The following ZNF536 variants were observed in gnomAD, a reference collection of about 807,000 sequenced individuals.
ZNF536 encodes the protein zinc finger protein 536.
Under a neutral mutation model 84.5 loss-of-function variants are expected in ZNF536, and 13 were observed. The ratio of observed to expected loss-of-function variants is 0.15; its 90% CI spans 0.10 to 0.24. The LOEUF (loss-of-function observed/expected upper bound fraction) is 0.24, where lower values mean the gene tolerates loss of function less well. ZNF536 is among the 10% of genes least tolerant of loss of function. The probability of loss-of-function intolerance (pLI) is 1.00; values close to 1 mark genes in which losing one functional copy is unlikely to be tolerated. For synonymous variants in ZNF536, 811 were observed against 742.5 expected (o/e 1.09, Z -1.50); for missense variants, 1,536 against 1,747.5 (o/e 0.88, Z 2.16).
At chr19:30,477,610 T>A (rs1210625296) in intron 2 of ZNF536, among the ~76,000 whole-genome samples, 1 of 152,152 alleles carries the variant, frequency 6.6e-6, no homozygotes, top group African/African-American at 2.4e-5. Context: ...AACCCAGTAA[T>A]TTGTTTGGAG....
intron 3 of ZNF536, among the ~76,000 whole-genome samples, chr19:30,359,313 G>C (rs544734637): frequency 6.6e-6 from 1 of 152,328 alleles, no homozygotes; most frequent in South Asian, 2.1e-4. Flanking sequence ...GGAGTGGCCA[G>C]TGCGGCCCTG....
chr19:30,264,118 C>T (rs2025368528), intron 1 of ZNF536, among the ~76,000 whole-genome samples: 1 of 152,134 alleles, frequency 6.6e-6, no homozygotes, highest in Non-Finnish European at 1.5e-5. Flanking sequence ...GAAAGGCCAC[C>T]CACCATGGTG....
chr19:30,570,220 C>T lies in ZNF536; in HGVS notation c.169+20706C>T, dbSNP rs141759930. On this transcript the variant is annotated intron_variant, in intron 1 of 1. Coordinates refer to the ZNF536 transcript ENST00000592773. ...GTGCCCTGCCATGCAGCTCACACCA[C>T]GGCATTTGGCGTGCCCCCTGGACAC... Among the ~76,000 whole-genome samples the T allele has an allele frequency of 2.7e-3, 418 of 152,304 alleles. 4 individuals carry two copies. Among genetic ancestry groups the T allele is most frequent in the East Asian group, 0.017 (90 of 5,178 alleles).
At chr19:30,483,727 T>C (rs942947007) in intron 2 of ZNF536, among the ~76,000 whole-genome samples, 14 of 152,022 alleles carry the variant, frequency 9.2e-5, no homozygotes, top group African/African-American at 3.4e-4. Flanking sequence ...TCTGGAAGGA[T>C]CTACCTAAAA....
chr19:30,508,820 C>CTTTTTTTTTTTTTTTTTTTTTTTT (rs914349353), intron 2 of ZNF536, among the ~76,000 whole-genome samples: 25 of 68,770 alleles, frequency 3.6e-4, no homozygotes, highest in South Asian at 6.0e-4. Flanking sequence ...TTCTTTCTTT[C>CTTTTTTTTTTTTTTTTTTTTTTTT]TTTTTTTTTT....
chr19:30,547,170 T>C (rs1028941333), intron 3 of ZNF536, among the ~76,000 whole-genome samples: 4 of 152,224 alleles, frequency 2.6e-5, no homozygotes, highest in African/African-American at 9.6e-5. Flanking sequence ...TAATGTTAAT[T>C]TCAAATACAG....
intron 1 of ZNF536, among the ~76,000 whole-genome samples, chr19:30,416,650 C>G (rs1302816526): frequency 2.6e-5 from 4 of 152,172 alleles, no homozygotes; most frequent in African/African-American, 9.7e-5. Context: ...CTCTCTGGCA[C>G]TGGGAGACTC....
At chr19:30,293,432 G>A (rs907393981) in intron 2 of ZNF536, among the ~76,000 whole-genome samples, 1 of 152,194 alleles carries the variant, frequency 6.6e-6, no homozygotes, top group African/African-American at 2.4e-5. Context: ...GGGGATGTTG[G>A]GGGCTGCAGG....
chr19:30,321,234 C>T (rs1239463188), intron 2 of ZNF536, among the ~76,000 whole-genome samples: 1 of 152,232 alleles, frequency 6.6e-6, no homozygotes. Flanking sequence ...TCTGGCCCTA[C>T]AACTGCCCTC....
chr19:30,437,341 T>C (rs2051797489), intron 1 of ZNF536, among the ~76,000 whole-genome samples: 2 of 152,176 alleles, frequency 1.3e-5, no homozygotes, highest in African/African-American at 4.8e-5. Flanking sequence ...GGAAATAGTC[T>C]TGAAGGCAGA....
chr19:30,622,579 T>C (rs915164928), intron 1 of ZNF536, among the ~76,000 whole-genome samples: 2 of 152,082 alleles, frequency 1.3e-5, no homozygotes, highest in African/African-American at 2.4e-5. Flanking sequence ...TTAAAAATAG[T>C]CCCTCTAGCA....
chr19:30,263,967 A>G (rs1235992349), intron 1 of ZNF536, among the ~76,000 whole-genome samples: 1 of 152,204 alleles, frequency 6.6e-6, no homozygotes, highest in East Asian at 1.9e-4. Context: ...ATCCAGCAAC[A>G]GGAAAGGAAC....
Position 30,239,045 on chromosome 19 carries a change from G to A in ZNF536, c.-190+10372G>A, listed in dbSNP as rs577437249. ...AGCTCCTTTACTTTCTCCCACAGAG[G>A]AAAAGGTGGAATTCTGGGCTGGCTT... On this transcript the variant is annotated intron_variant, in intron 1 of 5. Coordinates refer to the ZNF536 transcript ENST00000585628. Among the ~76,000 whole-genome samples, 39 of 152,290 alleles carry A rather than the reference G, an allele frequency of 2.6e-4. No individual in the cohort carries two copies. The South Asian group carries it at 7.1e-3, about 28-fold the overall frequency.
intron 2 of ZNF536, among the ~76,000 whole-genome samples, chr19:30,526,788 C>T (rs2044606173): frequency 6.6e-6 from 1 of 151,768 alleles, no homozygotes; most frequent in Admixed American, 6.6e-5. Flanking sequence ...ACATTTGGCC[C>T]ACAGTTCTTG....
chr19:30,453,763 A>G (rs977587535), intron 2 of ZNF536, among the ~76,000 whole-genome samples: 1 of 152,372 alleles, frequency 6.6e-6, no homozygotes, highest in Middle Eastern at 3.4e-3. Context: ...AACGGGGGCC[A>G]TGCCGAAAGC....
At chr19:30,348,126 A>G (rs1287657758) in intron 2 of ZNF536, among the ~76,000 whole-genome samples, 1 of 152,112 alleles carries the variant, frequency 6.6e-6, no homozygotes, top group Non-Finnish European at 1.5e-5. Flanking sequence ...TCATCTTTCT[A>G]TTTCTCCATC....
At chr19:30,385,984 C>T (rs2049325748) in intron 1 of ZNF536, among the ~76,000 whole-genome samples, 1 of 152,120 alleles carries the variant, frequency 6.6e-6, no homozygotes, top group Non-Finnish European at 1.5e-5. Context: ...TGGCAATGTC[C>T]GTCTGTCTCA....
intron 1 of ZNF536, among the ~76,000 whole-genome samples, chr19:30,572,142 G>A (rs1250611745): frequency 6.6e-6 from 1 of 152,176 alleles, no homozygotes; most frequent in East Asian, 1.9e-4. Context: ...TTGGATTTGT[G>A]TAGTTATCTC....
At chr19:30,682,564 C>T (rs78989676) in intron 1 of ZNF536, among the ~76,000 whole-genome samples, 2,690 of 152,292 alleles carry the variant, frequency 0.018, 78 homozygotes, top group African/African-American at 0.059. Flanking sequence ...CCTCCATCCC[C>T]AGGGAAAATC....
Sources: gnomAD v4.1 joint callset for allele counts (sites outside exome capture counted in the v4.1 genomes callset) on GRCh38, gnomAD v4.1.1 for gene constraint, MANE v1.5 for transcripts, NCBI Gene and HGNC (gene_info 2026-07-23, HGNC 2026-07-21) for gene names.